The following MAML3 variants were observed in gnomAD, a reference collection of about 807,000 sequenced individuals.
The protein encoded by MAML3 is mastermind like transcriptional coactivator 3.
A neutral mutation model predicts 101.9 loss-of-function variants in MAML3; 27 were observed. The ratio of observed to expected loss-of-function variants is 0.27; its 90% CI spans 0.20 to 0.37. The LOEUF is 0.37. Ranked by LOEUF, MAML3 falls within the 10% of genes least tolerant of loss-of-function variation. The pLI, the probability that MAML3 is intolerant of heterozygous loss-of-function variation, is 1.00. For synonymous variants in MAML3, 501 were observed against 555.9 expected (o/e 0.90, Z 1.39); for missense variants, 1,316 against 1,444.9 (o/e 0.91, Z 1.45).
intron 1 of MAML3, among the ~76,000 whole-genome samples, chr4:140,013,241 G>A (rs912910024): frequency 6.6e-6 from 1 of 152,108 alleles, no homozygotes; most frequent in Non-Finnish European, 1.5e-5. Flanking sequence ...ATCTCAGTCC[G>A]CCTTCACCCT....
At chr4:140,100,164 C>A (rs930593115) in intron 1 of MAML3, among the ~76,000 whole-genome samples, 1 of 152,090 alleles carries the variant, frequency 6.6e-6, no homozygotes, top group African/African-American at 2.4e-5. Context: ...CCCCACTCCA[C>A]CCCCTCCCAT....
At chr4:139,852,401 CTGTTT>C (rs1415531241) in intron 2 of MAML3, among the ~76,000 whole-genome samples, 3 of 126,274 alleles carry the variant, frequency 2.4e-5, no homozygotes, top group African/African-American at 1.0e-4. Flanking sequence ...ATTCAGAAGA[CTGTTT>C]TTTTTTTTTT....
chr4:139,869,618 T>C (rs1346284332), intron 2 of MAML3, among the ~76,000 whole-genome samples: 1 of 152,168 alleles, frequency 6.6e-6, no homozygotes, highest in Non-Finnish European at 1.5e-5. Context: ...AGCACCTATG[T>C]GCATGACCAA....
intron 2 of MAML3, among the ~76,000 whole-genome samples, chr4:139,738,000 G>A (rs1014756468): frequency 6.6e-6 from 1 of 152,246 alleles, no homozygotes; most frequent in Non-Finnish European, 1.5e-5. Flanking sequence ...CCAATGCGAA[G>A]GCTGCTAAAT....
intron 1 of MAML3, among the ~76,000 whole-genome samples, chr4:140,113,602 A>G (rs1163310067): frequency 6.6e-6 from 1 of 152,192 alleles, no homozygotes; most frequent in Admixed American, 6.5e-5. Flanking sequence ...GGTGGCCTTC[A>G]AACTCCACCA....
chr4:139,995,102 T>C (rs1284676427), intron 1 of MAML3, among the ~76,000 whole-genome samples: 1 of 152,176 alleles, frequency 6.6e-6, no homozygotes, highest in African/African-American at 2.4e-5. Context: ...TGGATGGGTG[T>C]TGGGTTTTGT....
chr4:140,107,178 G>T (rs1359371198), intron 1 of MAML3, among the ~76,000 whole-genome samples: 7 of 151,898 alleles, frequency 4.6e-5, no homozygotes, highest in Admixed American at 3.9e-4. Context: ...GCCAAAGAGT[G>T]GTATTTTTAT....
intron 1 of MAML3, among the ~76,000 whole-genome samples, chr4:140,069,263 T>C (rs1727589178): frequency 6.6e-6 from 1 of 151,886 alleles, no homozygotes. Context: ...GCTTTTTCTC[T>C]AGTAGTCAAG....
At chr4:140,092,710 G>A (rs1184583056) in intron 1 of MAML3, among the ~76,000 whole-genome samples, 1 of 152,164 alleles carries the variant, frequency 6.6e-6, no homozygotes, top group African/African-American at 2.4e-5. Context: ...GGCTTCCAGA[G>A]GCGGGTGGAG....
chr4:140,014,779 T>C lies in MAML3; in HGVS notation c.469-123812A>G, dbSNP rs113065806. On this transcript the variant is annotated intron_variant, in intron 1 of 4. Transcript: ENST00000509479. ...ATGTTTAAGTTCAGCATTAACGTCA[T>C]AGGAAGTGGTAAACTTCAATCACTC... 1.9e-3 allele frequency among the ~76,000 whole-genome samples: 292 copies of C among 152,316 alleles called. 1 individual carries two copies. The highest frequency in any genetic ancestry group is 6.6e-3 in the African/African-American group (275 of 41,566).
At chr4:140,056,530 T>G (rs62345587) in intron 1 of MAML3, among the ~76,000 whole-genome samples, 53,634 of 151,618 alleles carry the variant, frequency 0.35, 9,825 homozygotes, top group Middle Eastern at 0.38. Context: ...GTTCTGGCCC[T>G]GCGCGGTGAC....
At chr4:139,786,608 A>T (rs919986642) in intron 2 of MAML3, among the ~76,000 whole-genome samples, 2 of 152,220 alleles carry the variant, frequency 1.3e-5, no homozygotes, top group African/African-American at 4.8e-5. Context: ...CCCTTCAAAT[A>T]AATCTCTAGA....
At chr4:139,860,450 T>C (rs1560816643) in intron 2 of MAML3, among the ~76,000 whole-genome samples, 2 of 152,266 alleles carry the variant, frequency 1.3e-5, no homozygotes, top group South Asian at 2.1e-4. Context: ...GGGACACCAG[T>C]GGCTCTTCAT....
At chr4:140,098,588 A>G (rs773362778) in intron 1 of MAML3, among the ~76,000 whole-genome samples, 14 of 152,234 alleles carry the variant, frequency 9.2e-5, no homozygotes, top group Non-Finnish European at 1.8e-4. Flanking sequence ...TGAAAATGAA[A>G]CCAACTGGAC....
At chr4:139,801,229 A>G (rs150777401) in intron 2 of MAML3, among the ~76,000 whole-genome samples, 1 of 152,394 alleles carries the variant, frequency 6.6e-6, no homozygotes, top group Non-Finnish European at 1.5e-5. Flanking sequence ...AAGGGCTGCC[A>G]GATAAAATAT....
intron 2 of MAML3, among the ~76,000 whole-genome samples, chr4:139,862,479 A>G (rs1181697499): frequency 3.3e-5 from 5 of 152,198 alleles, no homozygotes; most frequent in African/African-American, 1.2e-4. Flanking sequence ...TTCTTGGACA[A>G]ACTTCCACAT....
intron 1 of MAML3, among the ~76,000 whole-genome samples, chr4:140,067,985 C>T (rs1380228836): frequency 6.6e-6 from 1 of 152,176 alleles, no homozygotes; most frequent in Non-Finnish European, 1.5e-5. Context: ...CCTGCCTTGG[C>T]CTCCCAAAGT....
intron 2 of MAML3, among the ~76,000 whole-genome samples, chr4:139,883,153 G>A (rs1215507389): frequency 2.6e-5 from 4 of 152,126 alleles, no homozygotes; most frequent in African/African-American, 9.7e-5. Flanking sequence ...GAAAACTGCA[G>A]GACAGAAGTG....
chr4:139,996,771 T>C (rs1353362237), intron 1 of MAML3, among the ~76,000 whole-genome samples: 2 of 151,898 alleles, frequency 1.3e-5, no homozygotes, highest in African/African-American at 2.4e-5. Flanking sequence ...ACATTAAATA[T>C]ATTATTGGGC....
Sources: gnomAD v4.1 joint callset for allele counts (sites outside exome capture counted in the v4.1 genomes callset) on GRCh38, gnomAD v4.1.1 for gene constraint, MANE v1.5 for transcripts, NCBI Gene and HGNC (gene_info 2026-07-23, HGNC 2026-07-21) for gene names.